KCNG3: variants seen among roughly 807,000 people sequenced by gnomAD.
The protein encoded by KCNG3 is voltage-gated potassium channel regulatory subunit KCNG3.
Under a neutral mutation model 29.0 loss-of-function variants are expected in KCNG3, and 15 were observed. That is an observed-to-expected ratio of 0.52 (90% confidence interval 0.35 to 0.80). The LOEUF is 0.80. Ranked by LOEUF, KCNG3 falls within the 30% of genes least tolerant of loss-of-function variation. KCNG3 has a pLI of 0.01. For synonymous variants in KCNG3, 322 were observed against 248.9 expected, an observed-to-expected ratio of 1.29 and a Z score of -2.76; for missense variants, 512 against 605.7, an observed-to-expected ratio of 0.85 and a Z score of 1.62.
Position 42,493,349 on chromosome 2 carries a change from G to C in KCNG3, c.153C>G (p.Cys51Trp). ...CGTTGCGCTCGCGGTCGTAGTCGTCGCACACCTCGAGCACGTCGCGCTCGG... is the reference window on the plus strand; with the variant it reads ...CGTTGCGCTCGCGGTCGTAGTCGTCCCACACCTCGAGCACGTCGCGCTCGG... ...CRSERDVLEV[C>W]DDYDRERNEY... The change falls in exon 1 of 2, where the codon TGC becomes TGG. Residue 51 changes from cysteine to tryptophan, a missense_variant. By Grantham distance (215) the Cys-to-Trp change is radical (BLOSUM62 -2). This residue lies in a region of KCNG3 where 91 missense variants were observed against 91.1 expected (regional missense o/e 1.00). Coordinates refer to ENST00000306078, the MANE Select transcript of KCNG3 (RefSeq NM_133329.6). 6.3e-7 allele frequency: 1 copy of C among 1,593,498 alleles called. No individual in the cohort carries two copies. Among genetic ancestry groups the C allele is most frequent in the Non-Finnish European group, 8.5e-7 (1 of 1,170,156 alleles).
chr2:42,425,403 A>AAT, the KCNG3 span, among the ~76,000 whole-genome samples: 1 of 151,224 alleles, frequency 6.6e-6, no homozygotes, highest in African/African-American at 2.4e-5. Flanking sequence ...CGTCTCAAAA[A>AAT]AAAAAAAAAA....
downstream of KCNG3, among the ~76,000 whole-genome samples, chr2:42,437,222 G>T (rs1447898062): frequency 6.6e-6 from 1 of 152,142 alleles, no homozygotes; most frequent in Non-Finnish European, 1.5e-5. Context: ...AAACATGTGT[G>T]TGCCCAGTTT....
At chr2:42,422,276 T>A in the KCNG3 span, among the ~76,000 whole-genome samples, 2 of 152,122 alleles carry the variant, frequency 1.3e-5, no homozygotes, top group Admixed American at 1.3e-4. Flanking sequence ...AATGCTGTTA[T>A]CTTGAGAGTA....
rs140294746 is a variant in KCNG3 at position 42,463,589 on chromosome 2, C to T, written c.666-19010G>A. The T allele has an allele frequency of 1.7e-3, 300 of 171,934 alleles. 2 individuals are homozygous for T. Among genetic ancestry groups the T allele is most frequent in the African/African-American group, 6.8e-3 (285 of 41,760 alleles). The allele number at this position is 171,934 out of a possible 1,614,324, so 10.7% of individuals were successfully genotyped here. On this transcript the variant is annotated intron_variant, in intron 1 of 1. Transcript: ENST00000306078. ...CCCTCATAACCCAGCACCAGGGCACCCCAGATTGAAGCCTCAACAATCCAC... is the reference window on the plus strand; with the variant it reads ...CCCTCATAACCCAGCACCAGGGCACTCCAGATTGAAGCCTCAACAATCCAC...
At chr2:42,452,131 T>C (rs2103674148) in intron 1 of KCNG3, among the ~76,000 whole-genome samples, 1 of 150,780 alleles carries the variant, frequency 6.6e-6, no homozygotes, top group Admixed American at 6.6e-5. Flanking sequence ...CATGGGTACG[T>C]AGTAGGTGTA....
chr2:42,468,952 T>TC (rs1412136452), intron 1 of KCNG3, among the ~76,000 whole-genome samples: 1 of 39,026 alleles, frequency 2.6e-5, no homozygotes, highest in African/African-American at 1.4e-4. Flanking sequence ...AGACTCCGTC[T>TC]CCAAAAAAAA....
the KCNG3 span, among the ~76,000 whole-genome samples, chr2:42,409,139 G>A: frequency 1.3e-5 from 2 of 152,090 alleles, no homozygotes; most frequent in Non-Finnish European, 1.5e-5. Context: ...GCCCTTGGTG[G>A]TGTGGGATCC....
Position 42,493,627 on chromosome 2 carries a change from G to A in KCNG3, c.-126C>T, listed in dbSNP as rs942066209. The A allele has an allele frequency of 1.2e-6, 1 of 810,140 alleles. No homozygotes were observed. Among genetic ancestry groups the A allele is most frequent in the African/African-American group, 1.8e-5 (1 of 55,756 alleles). The allele number at this position is 810,140 out of a possible 1,614,324, so 50.2% of individuals were successfully genotyped here. On this transcript the variant is annotated 5_prime_UTR_variant, in exon 1 of 2. Coordinates refer to ENST00000306078, the MANE Select transcript of KCNG3 (RefSeq NM_133329.6). ...CGCCGTCGGGGCCCGCGCTCCCTCG[G>A]GGCTCCGCTCCTGCCCTCCGCTGGC... is the stretch of plus-strand genomic sequence containing the variant.
chr2:42,428,271 C>G, the KCNG3 span, among the ~76,000 whole-genome samples: 1 of 150,676 alleles, frequency 6.6e-6, no homozygotes, highest in African/African-American at 2.4e-5. Context: ...ACCAGCCTGG[C>G]CAACATGGTG....
At position 42,492,765 on chromosome 2, in the gene KCNG3, G is replaced by T. The variant is rs1025311255; in HGVS notation, c.665+72C>A. The stretch of plus-strand genomic sequence containing the variant: ...GTCGCCCGGAGGCGGACAGGACGGA[G>T]ACGGGACGTATGGACGGGACGGACA... On this transcript the variant is annotated intron_variant, in intron 1 of 1. Coordinates refer to ENST00000306078, the MANE Select transcript of KCNG3 (RefSeq NM_133329.6). The T allele has an allele frequency of 1.4e-5, 19 of 1,322,628 alleles. No individual in the cohort carries two copies. In the South Asian group the frequency reaches 3.7e-4, roughly 26 times the overall value. The allele number at this position is 1,322,628 out of a possible 1,614,324, so 81.9% of individuals were successfully genotyped here.
chr2:42,487,347 CT>C (rs60025476), intron 1 of KCNG3, among the ~76,000 whole-genome samples: 27,836 of 116,494 alleles, frequency 0.24, 2,485 homozygotes, highest in South Asian at 0.29. Flanking sequence ...TTTTTTCTTT[CT>C]TTTTTTTTTT....
intron 1 of KCNG3, among the ~76,000 whole-genome samples, chr2:42,465,186 ATT>A (rs1180651485): frequency 6.6e-6 from 1 of 151,596 alleles, no homozygotes; most frequent in African/African-American, 2.4e-5. Flanking sequence ...TTAAGATTTT[ATT>A]TTTTTAAGAG....
downstream of KCNG3, among the ~76,000 whole-genome samples, chr2:42,439,872 A>T (rs1002640869): frequency 6.6e-6 from 1 of 151,738 alleles, no homozygotes; most frequent in African/African-American, 2.4e-5. Flanking sequence ...CGAACTCCTG[A>T]TTTCAGGTGA....
the KCNG3 span, among the ~76,000 whole-genome samples, chr2:42,412,982 T>C: frequency 6.6e-6 from 1 of 152,140 alleles, no homozygotes; most frequent in Non-Finnish European, 1.5e-5. Context: ...CTGTCACCCA[T>C]GCTAGAGTGC....
intron 1 of KCNG3, among the ~76,000 whole-genome samples, chr2:42,483,220 G>T (rs942304201): frequency 3.3e-5 from 5 of 152,030 alleles, no homozygotes; most frequent in Non-Finnish European, 5.9e-5. Context: ...ATTAATATAG[G>T]ATCCTATTCA....
At chr2:42,488,741 G>A (rs905200532) in intron 1 of KCNG3, among the ~76,000 whole-genome samples, 20 of 151,886 alleles carry the variant, frequency 1.3e-4, no homozygotes, top group Non-Finnish European at 7.4e-5. Flanking sequence ...GTAGAGACGG[G>A]GTTTCACCAT....
At chr2:42,486,155 T>A (rs1256654886) in intron 1 of KCNG3, among the ~76,000 whole-genome samples, 1 of 152,230 alleles carries the variant, frequency 6.6e-6, no homozygotes, top group Non-Finnish European at 1.5e-5. Context: ...TCAGGCTTAC[T>A]GTGTGTGAGC....
At chr2:42,468,118 A>G (rs1325761504) in intron 1 of KCNG3, among the ~76,000 whole-genome samples, 1 of 152,190 alleles carries the variant, frequency 6.6e-6, no homozygotes, top group Non-Finnish European at 1.5e-5. Flanking sequence ...TGCATTTAAA[A>G]ATAAAAATAA....
intron 1 of KCNG3, among the ~76,000 whole-genome samples, chr2:42,481,562 A>C (rs1182410472): frequency 6.6e-6 from 1 of 152,168 alleles, no homozygotes; most frequent in Non-Finnish European, 1.5e-5. Flanking sequence ...CCACATTCAG[A>C]TATAAATCCA....
Sources: allele counts gnomAD v4.1 joint callset (sites outside exome capture counted in the v4.1 genomes callset), GRCh38; gene constraint gnomAD v4.1.1; regional missense constraint gnomAD v4.1.1; transcripts MANE v1.5; gene names NCBI Gene and HGNC (gene_info 2026-07-23, HGNC 2026-07-21).